Variants in SLC38A5 observed in about 807,000 individuals in gnomAD.
The protein encoded by SLC38A5 is solute carrier family 38 member 5.
Under a neutral mutation model 34.6 loss-of-function variants are expected in SLC38A5, and 9 were observed. The observed-to-expected ratio is 0.26, with a 90% CI of 0.16 to 0.45. The LOEUF (loss-of-function observed/expected upper bound fraction) is 0.45, where lower values mean the gene tolerates loss of function less well. Among genes scored for constraint, SLC38A5 ranks in the 20% least tolerant of loss-of-function variants. SLC38A5 has a pLI of 1.00. For synonymous variants in SLC38A5, 157 were observed against 155.6 expected (o/e 1.01, Z -0.07); for missense variants, 253 against 394.7 (o/e 0.64, Z 3.04).
chrX:48,461,369 C>G (rs782201387), intron 12 of SLC38A5, among the ~76,000 whole-genome samples: 1 of 111,311 alleles, frequency 9.0e-6, no homozygotes, highest in South Asian at 3.8e-4. Context: ...ATCCACACAT[C>G]TCCCATCATA....
At chrX:48,463,341 G>A (rs952649638) in intron 8 of SLC38A5, among the ~76,000 whole-genome samples, 27 of 112,375 alleles carry the variant, frequency 2.4e-4, no homozygotes, top group Admixed American at 6.6e-4. Flanking sequence ...GGTGGCTCAC[G>A]CCTGTAATCC....
chrX:48,461,961 A>G, intron 11 of SLC38A5, 46 bp downstream of exon 11: 1 of 1,141,112 alleles, frequency 8.8e-7, no homozygotes, highest in Non-Finnish European at 1.2e-6. Context: ...TGACAGAACC[A>G]GAGGGCCTGA....
At chrX:48,469,170 T>G in intron 2 of SLC38A5, 165 bp downstream of exon 2, 3 of 257,131 alleles carry the variant, frequency 1.2e-5, no homozygotes, top group African/African-American at 3.0e-5. Context: ...CTGAATTCAC[T>G]TCCTGGGATC....
intron 2 of SLC38A5, chrX:48,468,984 G>C (rs782009536): frequency 4.1e-5 from 31 of 752,863 alleles, no homozygotes; most frequent in Non-Finnish European, 4.9e-5. Context: ...GCTCCCTCCC[G>C]CGCTTACTCC....
In SLC38A5 at chrX:48,459,775, A is replaced by G; in HGVS notation, c.1170T>C (p.Leu390=). The change falls in exon 15 of 17, where the codon CTT becomes CTC. Residue 390 remains leucine, a synonymous_variant. Coordinates refer to ENST00000620913, the MANE Select transcript of SLC38A5 (RefSeq NM_033518.4). The part of the protein sequence containing the change: ...ALILLVLVNV[L]VICVPTIRDI... The stretch of plus-strand genomic sequence containing the variant: ...CCCGGATGGTTGGCACACAGATGAC[A>G]AGGACATTGACCAAAACAAGCAGGA... The G allele has an allele frequency of 4.1e-6, 5 of 1,211,490 alleles. No individual in the cohort carries two copies. Among genetic ancestry groups the G allele is most frequent in the Non-Finnish European group, 5.6e-6 (5 of 895,416 alleles).
At chrX:48,461,591 C>T in intron 12 of SLC38A5, 127 bp downstream of exon 12, 1 of 723,196 alleles carries the variant, frequency 1.4e-6, no homozygotes, top group Non-Finnish European at 2.0e-6. Context: ...CACCCCAAAC[C>T]CCTCCCATGA....
chrX:48,463,891 G>T (rs1415794638), intron 8 of SLC38A5, among the ~76,000 whole-genome samples: 3 of 106,243 alleles, frequency 2.8e-5, no homozygotes, highest in African/African-American at 1.0e-4. Context: ...AAGAAAGAAA[G>T]AAAGAAAGAA....
intron 2 of SLC38A5, chrX:48,468,672 C>A: frequency 4.9e-6 from 1 of 203,637 alleles, no homozygotes; most frequent in Non-Finnish European, 7.3e-6. Context: ...CATTTGACCC[C>A]AATTCTAGGG....
chrX:48,466,424 G>A (rs1432923133), intron 6 of SLC38A5, 102 bp from the exon 7 acceptor site: 37 of 806,976 alleles, frequency 4.6e-5, no homozygotes, highest in Non-Finnish European at 5.7e-5. Context: ...TGGGGGAACC[G>A]GCTTTGACTG....
intron 8 of SLC38A5, among the ~76,000 whole-genome samples, chrX:48,463,911 G>GAAAGA (rs782068302): frequency 2.1e-5 from 2 of 97,509 alleles, no homozygotes; most frequent in African/African-American, 7.8e-5. Flanking sequence ...AAGAAAGAAA[G>GAAAGA]AGAAAGAAAG....
intron 13 of SLC38A5, 46 bp downstream of exon 13, chrX:48,460,940 C>G (rs1556961709): frequency 6.4e-6 from 7 of 1,088,177 alleles, no homozygotes; most frequent in Non-Finnish European, 6.3e-6. Flanking sequence ...AGGCTCCTGC[C>G]CCAGGCCTTC....
chrX:48,461,421 C>T (rs890816481), intron 12 of SLC38A5, among the ~76,000 whole-genome samples: 6 of 111,783 alleles, frequency 5.4e-5, no homozygotes, highest in African/African-American at 1.6e-4. Context: ...CCTCCCTATC[C>T]CCATATCACC....
chrX:48,463,617 T>A (rs1309703818), intron 8 of SLC38A5, among the ~76,000 whole-genome samples: 9 of 93,130 alleles, frequency 9.7e-5, no homozygotes, highest in African/African-American at 3.3e-4. Flanking sequence ...AAAAAATAAA[T>A]AAATAAATAA....
Position 48,467,735 on chromosome X carries a change from C to T in SLC38A5, c.104G>A (p.Gly35Glu), listed in dbSNP as rs782175819. Residue 35 changes from glycine to glutamate, a missense_variant, in exon 4 of 17, where the codon GGG becomes GAG. Physicochemically the swap from Gly to Glu is moderately conservative, Grantham distance 98. This residue lies in a region of SLC38A5 where 40 missense variants were observed against 36.4 expected (regional missense o/e 1.10). Coordinates refer to ENST00000620913, the MANE Select transcript of SLC38A5 (RefSeq NM_033518.4). ...ATCCATGAACTGGACCGGCTTGCTC[C>T]CAGGAGCAGGACCACGACTGGGCAG... ...GFLPSRGPAPGSKPVQFMDFE... is the reference protein window; with the variant it reads ...GFLPSRGPAPESKPVQFMDFE... The T allele has an allele frequency of 2.2e-5, 26 of 1,205,743 alleles. No homozygotes were observed. Among genetic ancestry groups the T allele is most frequent in the Non-Finnish European group, 2.2e-6 (2 of 893,424 alleles).
In SLC38A5 at chrX:48,462,147, G is replaced by A; in HGVS notation, c.634-3C>T. 1 of 1,208,866 alleles carries A rather than the reference G, an allele frequency of 8.3e-7. No individual in the cohort carries two copies. The highest frequency in any genetic ancestry group is 1.1e-6 in the Non-Finnish European group (1 of 893,392). On this transcript the variant is annotated splice_region_variant and splice_polypyrimidine_tract_variant and intron_variant, in intron 10 of 16. Coordinates refer to ENST00000620913, the MANE Select transcript of SLC38A5 (RefSeq NM_033518.4). Reference sequence around the variant, plus strand: ...AGTTGGAACTTCTTGTAGATGACCTGAGGATGGGGGCAGCAGGGAAGCCAG... The same window carrying A: ...AGTTGGAACTTCTTGTAGATGACCTAAGGATGGGGGCAGCAGGGAAGCCAG...
Position 48,467,809 on chromosome X carries a change from G to A in SLC38A5, c.54-24C>T, listed in dbSNP as rs1195233028. 3 of 1,201,215 alleles carry A rather than the reference G, an allele frequency of 2.5e-6. No homozygotes were observed. In the African/African-American group the frequency reaches 5.3e-5, roughly 21 times the overall value. ...AGCTGGATAGGGCAGGGAAATAGGG[G>A]CCGATAAGAGGGAAATCCTGACCCC... is the stretch of plus-strand genomic sequence containing the variant. On this transcript the variant is annotated intron_variant, in intron 3 of 16. Coordinates refer to ENST00000620913, the MANE Select transcript of SLC38A5 (RefSeq NM_033518.4).
chrX:48,468,846 T>A (rs1336707467), intron 2 of SLC38A5: 1 of 750,237 alleles, frequency 1.3e-6, no homozygotes, highest in Non-Finnish European at 1.6e-6. Flanking sequence ...GAAGAGCTAT[T>A]TCTGAGACCT....
Position 48,459,553 on chromosome X carries a change from A to G in SLC38A5, c.1300T>C (p.Ser434Pro). The stretch of plus-strand genomic sequence containing the variant: ...ATGCTTACCTGGATCTTGGGCCAGG[A>G]TAAGAAAGGCTCCACCTCAGAGGGT... ...IVPSEVEPFL[S>P]WPKIQALCFG... The change falls in exon 16 of 17, where the codon TCC (serine) becomes CCC (proline). Residue 434 changes from serine to proline, a missense_variant. This residue lies in a region of SLC38A5 where 176 missense variants were observed against 273.0 expected (regional missense o/e 0.64). Coordinates refer to ENST00000620913, the MANE Select transcript of SLC38A5 (RefSeq NM_033518.4). The G allele has an allele frequency of 8.9e-7, 1 of 1,118,071 alleles. No individual in the cohort carries two copies. Among genetic ancestry groups the G allele is most frequent in the Non-Finnish European group, 1.2e-6 (1 of 851,187 alleles). The allele number at this position is 1,118,071 out of a possible 1,213,427, so 92.1% of individuals were successfully genotyped here. A position where few individuals can be genotyped will look rare whatever the true frequency, so the allele number is the denominator to read the frequency against.
rs907789489 is a variant in SLC38A5 at position 48,468,936 on chromosome X, C to A, written c.-2+399G>T. 7.5e-5 allele frequency: 56 copies of A among 751,158 alleles called. No homozygotes were observed. The African/African-American group carries it at 1.2e-3, about 16-fold the overall frequency. The allele number at this position is 751,158 out of a possible 1,213,427, so 61.9% of individuals were successfully genotyped here. ...TGCAATCCCCACCCGAGCCTGGAGCCCCTGTCTTGTAGGTACAGCGTCTCT... is the reference window on the plus strand; with the variant it reads ...TGCAATCCCCACCCGAGCCTGGAGCACCTGTCTTGTAGGTACAGCGTCTCT... On this transcript the variant is annotated intron_variant, in intron 2 of 16. Transcript: ENST00000620913.
Sources: allele counts gnomAD v4.1 joint callset (sites outside exome capture counted in the v4.1 genomes callset), GRCh38; gene constraint gnomAD v4.1.1; regional missense constraint gnomAD v4.1.1; transcripts MANE v1.5; gene names NCBI Gene and HGNC (gene_info 2026-07-23, HGNC 2026-07-21).